The following FOXP1 variants were observed in gnomAD, a reference collection of about 807,000 sequenced individuals.
FOXP1 encodes the protein forkhead box protein P1.
Under a neutral mutation model 98.2 loss-of-function variants are expected in FOXP1, and 15 were observed. The ratio of observed to expected loss-of-function variants is 0.15; its 90% CI spans 0.10 to 0.24. FOXP1 has a LOEUF of 0.24. Among genes scored for constraint, FOXP1 ranks in the 10% least tolerant of loss-of-function variants. FOXP1 has a pLI of 1.00. For missense variants in FOXP1, 633 were observed against 848.5 expected (o/e 0.75, Z 3.15); for synonymous variants, 371 against 314.5 (o/e 1.18, Z -1.90).
chr3:71,582,456 G>A (rs2048261663), intron 1 of FOXP1: 3 of 985,394 alleles, frequency 3.0e-6, no homozygotes, highest in Middle Eastern at 5.2e-4. Flanking sequence ...CGGCGGGACA[G>A]GAATAGAGCG....
At chr3:71,489,358 C>T (rs2090900674) in intron 3 of FOXP1, among the ~76,000 whole-genome samples, 1 of 152,090 alleles carries the variant, frequency 6.6e-6, no homozygotes, top group African/African-American at 2.4e-5. Context: ...TGTTGCGTGA[C>T]GCTTATGTCT....
rs1004227012 is a variant in FOXP1 at position 71,472,224 on chromosome 3, T to C, written c.-168+21202A>G. ...TGTTTTTACCTCCTCAGGACCACTC[T>C]CACCCTGGATTATGTGAATTCCCCT... On this transcript the variant is annotated intron_variant, in intron 3 of 20. Transcript: ENST00000649528. Among the ~76,000 whole-genome samples, 5 of 152,120 alleles carry C rather than the reference T, an allele frequency of 3.3e-5. No homozygotes were observed. The East Asian group carries it at 9.7e-4, about 29-fold the overall frequency.
At chr3:71,030,421 C>CA (rs2046706097) in intron 11 of FOXP1, among the ~76,000 whole-genome samples, 1 of 152,232 alleles carries the variant, frequency 6.6e-6, no homozygotes, top group Non-Finnish European at 1.5e-5. Flanking sequence ...CAACTTACCC[C>CA]AACAGTAACC....
intron 4 of FOXP1, among the ~76,000 whole-genome samples, chr3:71,306,415 A>C (rs1376965164): frequency 6.6e-6 from 1 of 152,142 alleles, no homozygotes; most frequent in Non-Finnish European, 1.5e-5. Context: ...AACGAATTTT[A>C]AACAATCGGT....
chr3:71,247,154 A>G (rs1455627802), intron 5 of FOXP1, among the ~76,000 whole-genome samples: 1 of 152,200 alleles, frequency 6.6e-6, no homozygotes, highest in Non-Finnish European at 1.5e-5. Context: ...ATTCAAACTT[A>G]TAATTTTATT....
At chr3:71,045,912 A>T (rs750838685) in intron 10 of FOXP1, among the ~76,000 whole-genome samples, 5 of 152,226 alleles carry the variant, frequency 3.3e-5, no homozygotes, top group African/African-American at 1.2e-4. Context: ...GGCTTTAGCT[A>T]TCAGCCTTTA....
chr3:71,309,011 T>C (rs958524283), intron 4 of FOXP1, among the ~76,000 whole-genome samples: 10 of 152,190 alleles, frequency 6.6e-5, no homozygotes, highest in Non-Finnish European at 8.8e-5. Context: ...CTCACCAACC[T>C]ACCCTAACCC....
At chr3:71,074,307 A>G (rs2053578062) in intron 7 of FOXP1, among the ~76,000 whole-genome samples, 1 of 152,038 alleles carries the variant, frequency 6.6e-6, no homozygotes, top group Non-Finnish European at 1.5e-5. Context: ...GGCTCACTGC[A>G]ACTTCTGCCT....
At chr3:71,365,116 T>C (rs993155947) in intron 3 of FOXP1, among the ~76,000 whole-genome samples, 2 of 152,334 alleles carry the variant, frequency 1.3e-5, no homozygotes, top group South Asian at 4.1e-4. Context: ...ATTTGCCAAC[T>C]TCTGCTTCAG....
chr3:71,552,340 T>C (rs565346223), intron 2 of FOXP1, among the ~76,000 whole-genome samples: 3 of 152,198 alleles, frequency 2.0e-5, no homozygotes, highest in African/African-American at 4.8e-5. Context: ...TATGTACATA[T>C]TAAAAATAAC....
chr3:71,130,324 T>C (rs574111447), intron 6 of FOXP1, among the ~76,000 whole-genome samples: 110 of 151,364 alleles, frequency 7.3e-4, no homozygotes, highest in Non-Finnish European at 1.3e-3. Context: ...TCCTCTCAAA[T>C]CTCTAAAAAG....
At chr3:71,538,079 C>T (rs1461851928) in intron 2 of FOXP1, among the ~76,000 whole-genome samples, 1 of 152,222 alleles carries the variant, frequency 6.6e-6, no homozygotes, top group Non-Finnish European at 1.5e-5. Flanking sequence ...CAGAAATTTG[C>T]TGACCCCTGC....
intron 3 of FOXP1, among the ~76,000 whole-genome samples, chr3:71,478,109 T>A (rs57295815): frequency 1.3e-5 from 2 of 152,310 alleles, no homozygotes; most frequent in East Asian, 3.9e-4. Context: ...GTCCTTGACA[T>A]CTCTTTAATG....
intron 2 of FOXP1, among the ~76,000 whole-genome samples, chr3:71,515,779 C>T (rs989900761): frequency 1.3e-5 from 2 of 152,318 alleles, no homozygotes; most frequent in Non-Finnish European, 2.9e-5. Flanking sequence ...AGCAAAAACA[C>T]TGCTGCTACC....
intron 2 of FOXP1, among the ~76,000 whole-genome samples, chr3:71,577,074 A>T (rs2047778265): frequency 6.6e-6 from 1 of 152,192 alleles, no homozygotes; most frequent in Non-Finnish European, 1.5e-5. Context: ...AGTGCGTGCG[A>T]AGAACACAGC....
intron 6 of FOXP1, among the ~76,000 whole-genome samples, chr3:71,172,434 G>T (rs532033235): frequency 1.8e-4 from 28 of 152,228 alleles, no homozygotes; most frequent in Non-Finnish European, 3.2e-4. Flanking sequence ...AATGAAAATC[G>T]CATCCAATAA....
At chr3:71,001,204 C>T (rs2042082095) in intron 12 of FOXP1, 145 bp from the exon 13 acceptor site, 1 of 677,660 alleles carries the variant, frequency 1.5e-6, no homozygotes, top group Non-Finnish European at 2.7e-6. Flanking sequence ...CTTTCCATCC[C>T]CACCCTTTAA....
At chr3:71,078,305 T>A (rs1365984102) in intron 7 of FOXP1, among the ~76,000 whole-genome samples, 1 of 152,260 alleles carries the variant, frequency 6.6e-6, no homozygotes, top group Non-Finnish European at 1.5e-5. Flanking sequence ...CATCCCTATA[T>A]TGCCATGTTT....
intron 3 of FOXP1, among the ~76,000 whole-genome samples, chr3:71,416,334 G>A (rs183720380): frequency 4.2e-4 from 64 of 152,036 alleles, no homozygotes; most frequent in African/African-American, 1.4e-3. Context: ...CCAGGAGTTC[G>A]AGACCAACCT....
Sources: allele counts gnomAD v4.1 joint callset (sites outside exome capture counted in the v4.1 genomes callset), GRCh38; gene constraint gnomAD v4.1.1; transcripts MANE v1.5; gene names NCBI Gene and HGNC (gene_info 2026-07-23, HGNC 2026-07-21).